The following AMBRA1 variants were observed in gnomAD, a reference collection of about 807,000 sequenced individuals.
AMBRA1 encodes autophagy and beclin 1 regulator 1.
A neutral mutation model predicts 125.4 loss-of-function variants in AMBRA1; 47 were observed. The observed-to-expected ratio is 0.37, with a 90% CI of 0.30 to 0.48. AMBRA1 has a LOEUF of 0.48. Ranked by LOEUF, AMBRA1 falls within the 20% of genes least tolerant of loss-of-function variation. The pLI, the probability that AMBRA1 is intolerant of heterozygous loss-of-function variation, is 0.99. For synonymous variants in AMBRA1, 626 were observed against 655.5 expected, an observed-to-expected ratio of 0.95 and a Z score of 0.69; for missense variants, 1,331 against 1,693.4, an observed-to-expected ratio of 0.79 and a Z score of 3.76.
intron 16 of AMBRA1, among the ~76,000 whole-genome samples, chr11:46,409,438 T>A (rs1174235405): frequency 6.6e-6 from 1 of 152,172 alleles, no homozygotes; most frequent in Non-Finnish European, 1.5e-5. Flanking sequence ...GACCTCGTGA[T>A]CCGCCCGCCT....
intron 7 of AMBRA1, among the ~76,000 whole-genome samples, chr11:46,528,835 G>A (rs1361116452): frequency 4.6e-5 from 7 of 152,104 alleles, no homozygotes; most frequent in East Asian, 3.8e-4. Context: ...AAAGATAAAC[G>A]CCACCTTGCT....
chr11:46,408,634 G>T lies in AMBRA1; in HGVS notation c.3282C>A (p.Asn1094Lys). 2 of 1,608,252 alleles carry T rather than the reference G, an allele frequency of 1.2e-6. No homozygotes were observed. The highest frequency in any genetic ancestry group is 1.7e-6 in the Non-Finnish European group (2 of 1,176,428). Residue 1094 changes from asparagine to lysine, a missense_variant, in exon 17 of 18, where the codon AAC becomes AAA. Asn to Lys is a moderately conservative substitution (Grantham distance 94, BLOSUM62 0). Coordinates refer to ENST00000683756, the MANE Select transcript of AMBRA1 (RefSeq NM_001387011.1). ...LMNAIGLQPR[N>K]PATSVTSQGT... Reference sequence around the variant, plus strand: ...CCTGAGATGTCACTGAGGTGGCAGGGTTCCGGGGCTGAAGCCCAATGGCAT... The same window carrying T: ...CCTGAGATGTCACTGAGGTGGCAGGTTTCCGGGGCTGAAGCCCAATGGCAT...
At chr11:46,504,699 C>G (rs1950966586) in intron 9 of AMBRA1, 1 of 152,198 alleles carries the variant, frequency 6.6e-6, no homozygotes, top group African/African-American at 2.4e-5. Context: ...AAAATTTAAC[C>G]TGATGCTGAC....
intron 17 of AMBRA1, among the ~76,000 whole-genome samples, chr11:46,403,260 G>A (rs1287781978): frequency 1.3e-5 from 2 of 152,204 alleles, no homozygotes. Flanking sequence ...GAGAGTCACA[G>A]GAGGAGCTGC....
At chr11:46,403,129 C>T (rs1945843422) in intron 17 of AMBRA1, among the ~76,000 whole-genome samples, 1 of 152,170 alleles carries the variant, frequency 6.6e-6, no homozygotes, top group Non-Finnish European at 1.5e-5. Context: ...TTGGCAAGTC[C>T]TAAGGTACAC....
chr11:46,588,921 C>T (rs976223479), intron 1 of AMBRA1, among the ~76,000 whole-genome samples: 1 of 152,034 alleles, frequency 6.6e-6, no homozygotes, highest in African/African-American at 2.4e-5. Flanking sequence ...TTTACTGTCA[C>T]TGGGCTTCAA....
intron 17 of AMBRA1, among the ~76,000 whole-genome samples, chr11:46,403,366 C>T (rs1249144621): frequency 2.6e-5 from 4 of 152,208 alleles, no homozygotes; most frequent in East Asian, 3.9e-4. Flanking sequence ...GCTGGTCTAC[C>T]GACCATCTTC....
intron 1 of AMBRA1, among the ~76,000 whole-genome samples, chr11:46,575,314 C>A (rs1389635617): frequency 1.3e-5 from 2 of 151,756 alleles, no homozygotes; most frequent in African/African-American, 2.4e-5. Flanking sequence ...AAAATTATCC[C>A]AGCGTGGTGG....
chr11:46,462,202 G>A (rs938598457), intron 11 of AMBRA1, among the ~76,000 whole-genome samples: 3 of 152,150 alleles, frequency 2.0e-5, no homozygotes, highest in East Asian at 3.8e-4. Flanking sequence ...TTAGGGATGC[G>A]CGTAAACAAG....
Position 46,498,706 on chromosome 11 carries a change from G to A in AMBRA1, c.2340-4502C>T, listed in dbSNP as rs190846948. 9.6e-4 allele frequency among the ~76,000 whole-genome samples: 146 copies of A among 152,232 alleles called. No homozygotes were observed. In the Middle Eastern group the frequency reaches 0.014, roughly 14 times the overall value. The stretch of plus-strand genomic sequence containing the variant: ...GTCTGAGTCCTGACCAGACAGTCAG[G>A]TTGTCATTGCTCCTCAGTGACAAAT... On this transcript the variant is annotated intron_variant, in intron 9 of 17. Coordinates refer to ENST00000683756, the MANE Select transcript of AMBRA1 (RefSeq NM_001387011.1).
intron 4 of AMBRA1, among the ~76,000 whole-genome samples, chr11:46,546,377 G>A (rs776122631): frequency 2.0e-5 from 3 of 152,158 alleles, no homozygotes; most frequent in East Asian, 1.9e-4. Context: ...ACTCAAGCTC[G>A]GTGCACAACA....
intron 9 of AMBRA1, among the ~76,000 whole-genome samples, chr11:46,506,170 T>C (rs1002919119): frequency 2.6e-5 from 4 of 152,180 alleles, no homozygotes; most frequent in Non-Finnish European, 4.4e-5. Context: ...ACTGCTGATA[T>C]ACGCATCCAC....
At chr11:46,467,296 C>T (rs1455592761) in intron 11 of AMBRA1, among the ~76,000 whole-genome samples, 1 of 152,012 alleles carries the variant, frequency 6.6e-6, no homozygotes, top group African/African-American at 2.4e-5. Flanking sequence ...TTCTTTTCTC[C>T]CCCATCCTTC....
chr11:46,429,230 C>G, intron 14 of AMBRA1: 1 of 1,198,888 alleles, frequency 8.3e-7, no homozygotes, highest in Non-Finnish European at 1.2e-6. Context: ...GCCCCCTACC[C>G]CATAAAATAA....
rs199959227 is a variant in AMBRA1, at chr11:46,589,262, C to CA, written c.-121+4565dup. Reference sequence around the variant, plus strand: ...CCATCAGTAACTAATTTTAGCTGTGCAAAAAAAAATTGATCACATTAACTT... The same window carrying CA: ...CCATCAGTAACTAATTTTAGCTGTGCAAAAAAAAAATTGATCACATTAACTT... On this transcript the variant is annotated intron_variant, in intron 1 of 17. Coordinates refer to ENST00000683756, the MANE Select transcript of AMBRA1 (RefSeq NM_001387011.1). Among the ~76,000 whole-genome samples, 984 of 150,498 alleles carry CA rather than the reference C, an allele frequency of 6.5e-3. 10 individuals carry two copies. The highest frequency in any genetic ancestry group is 0.016 in the African/African-American group (639 of 41,036).
intron 13 of AMBRA1, 51 bp downstream of exon 13, chr11:46,434,798 G>A (rs1413216269): frequency 6.6e-6 from 10 of 1,523,314 alleles, no homozygotes; most frequent in South Asian, 1.3e-5. Flanking sequence ...CAATGACCAT[G>A]CCAAGGCACC....
intron 11 of AMBRA1, among the ~76,000 whole-genome samples, chr11:46,445,114 C>T (rs1473372999): frequency 2.0e-5 from 3 of 150,848 alleles, no homozygotes; most frequent in African/African-American, 7.3e-5. Context: ...ATCATTTGTT[C>T]CCCTCCAAAG....
intron 11 of AMBRA1, among the ~76,000 whole-genome samples, chr11:46,471,298 T>A (rs111387831): frequency 6.6e-6 from 1 of 151,118 alleles, no homozygotes; most frequent in African/African-American, 2.4e-5. Context: ...TAAAAATTCG[T>A]CTGGGCACGG....
rs574089709 is a variant in AMBRA1, at chr11:46,463,241, C to T, written c.2522-19643G>A. Among the ~76,000 whole-genome samples, 14 of 152,308 alleles carry T rather than the reference C, an allele frequency of 9.2e-5. No homozygotes were observed. In the South Asian group the frequency reaches 2.3e-3, roughly 25 times the overall value. On this transcript the variant is annotated intron_variant, in intron 11 of 17. Coordinates refer to ENST00000683756, the MANE Select transcript of AMBRA1 (RefSeq NM_001387011.1). ...AGGATGAGTTTAAAATTCAGCCCAC[C>T]AGGGGCCAACTCAAAATCTACAAGC...
Sources: allele counts gnomAD v4.1 joint callset (sites outside exome capture counted in the v4.1 genomes callset), GRCh38; gene constraint gnomAD v4.1.1; transcripts MANE v1.5; gene names NCBI Gene and HGNC (gene_info 2026-07-23, HGNC 2026-07-21).